The following SPAG16 variants were observed in gnomAD, a reference collection of about 807,000 sequenced individuals.
The protein encoded by SPAG16 is sperm associated antigen 16.
SPAG16 carries 86 observed loss-of-function variants against 80.4 expected under a neutral mutation model. That is an observed-to-expected ratio of 1.07 (90% CI 0.90 to 1.28). SPAG16 has a LOEUF of 1.28. Ranked by LOEUF, SPAG16 falls within the 50% of genes most tolerant of loss-of-function variation. SPAG16 has a pLI of 0.00. For synonymous variants in SPAG16, 294 were observed against 265.9 expected (o/e 1.11, Z -1.03); for missense variants, 870 against 765.3 (o/e 1.14, Z -1.61).
chr2:213,287,151 C>T lies in SPAG16; in HGVS notation c.136+2532C>T, dbSNP rs192447550. ...TGGAGTATATGAATCCTCTCTAGAA[C>T]CCATCATTAGAAAAATACTTGCAGC... On this transcript the variant is annotated intron_variant, in intron 1 of 15. Coordinates refer to ENST00000331683, the MANE Select transcript of SPAG16 (RefSeq NM_024532.5). Among the ~76,000 whole-genome samples the T allele has an allele frequency of 5.9e-5, 9 of 152,266 alleles. No individual in the cohort carries two copies. In the East Asian group the frequency reaches 1.5e-3, roughly 26 times the overall value.
At chr2:213,573,100 G>C (rs991035359) in intron 10 of SPAG16, among the ~76,000 whole-genome samples, 1 of 152,116 alleles carries the variant, frequency 6.6e-6, no homozygotes, top group African/African-American at 2.4e-5. Flanking sequence ...TTTGGCTCAC[G>C]CACGGTGCGC....
intron 10 of SPAG16, among the ~76,000 whole-genome samples, chr2:213,786,269 G>A (rs2070337464): frequency 6.6e-6 from 1 of 152,158 alleles, no homozygotes; most frequent in Non-Finnish European, 1.5e-5. Flanking sequence ...AACTATGGGA[G>A]CTCCGTGGTA....
chr2:213,961,882 A>G (rs1270030512), intron 12 of SPAG16, among the ~76,000 whole-genome samples: 3 of 152,012 alleles, frequency 2.0e-5, no homozygotes, highest in Admixed American at 2.0e-4. Context: ...ATATAAGTGT[A>G]ATATCAACCT....
intron 15 of SPAG16, among the ~76,000 whole-genome samples, chr2:214,395,187 T>C (rs1701296915): frequency 6.6e-6 from 1 of 152,230 alleles, no homozygotes; most frequent in South Asian, 2.1e-4. Flanking sequence ...CAAGTTTTTA[T>C]GTGGACATAA....
intron 13 of SPAG16, among the ~76,000 whole-genome samples, chr2:214,098,163 A>G (rs1184015564): frequency 6.6e-6 from 1 of 152,094 alleles, no homozygotes; most frequent in African/African-American, 2.4e-5. Context: ...TATTCATGCA[A>G]TATAGGTACA....
At chr2:214,211,835 C>T (rs1029959394) in intron 15 of SPAG16, among the ~76,000 whole-genome samples, 7 of 152,092 alleles carry the variant, frequency 4.6e-5, no homozygotes, top group African/African-American at 1.7e-4. Flanking sequence ...CCAATATGAT[C>T]AGAGTAAAAT....
chr2:213,913,602 T>TAA (rs202188386), intron 11 of SPAG16, among the ~76,000 whole-genome samples: 148 of 8,282 alleles, frequency 0.018, 2 homozygotes, highest in East Asian at 0.11. Context: ...TATGTATATG[T>TAA]ACATGTACAT....
At chr2:213,947,168 G>A (rs552705320) in intron 12 of SPAG16, among the ~76,000 whole-genome samples, 1 of 152,208 alleles carries the variant, frequency 6.6e-6, no homozygotes, top group East Asian at 1.9e-4. Context: ...TTACATATAG[G>A]TTTTGTTTGA....
chr2:213,357,290 A>G (rs1355728681), intron 7 of SPAG16, among the ~76,000 whole-genome samples: 1 of 152,124 alleles, frequency 6.6e-6, no homozygotes, highest in Non-Finnish European at 1.5e-5. Flanking sequence ...TGAAGAGCTG[A>G]GTTGAAGTCC....
intron 15 of SPAG16, among the ~76,000 whole-genome samples, chr2:214,253,092 C>CTT (rs374231310): frequency 0.84 from 120,997 of 144,180 alleles, 51,279 homozygotes; most frequent in South Asian, 0.96. Context: ...GCATAAATGT[C>CTT]TTTTTTTTTT....
intron 15 of SPAG16, among the ~76,000 whole-genome samples, chr2:214,292,795 AC>A (rs1693889983): frequency 6.6e-6 from 1 of 152,154 alleles, no homozygotes; most frequent in South Asian, 2.1e-4. Context: ...TTTTAAACTT[AC>A]TTTTGCAGAG....
chr2:214,013,979 C>A lies in SPAG16; in HGVS notation c.1429C>A (p.His477Asn), dbSNP rs2047453806. ...AAGATGCAGATGTACTTTGTATGGA[C>A]ATACAGATTCTGTGAACAGCATTGA... ...SERCRCTLYG[H>N]TDSVNSIEFF... Residue 477 changes from histidine (H) to asparagine (N), a missense_variant, in exon 13 of 16, where the codon CAT (histidine) becomes AAT (asparagine). By Grantham distance (68) the His-to-Asn change is moderately conservative (BLOSUM62 1). Transcript: ENST00000331683. 6.2e-7 allele frequency: 1 copy of A among 1,613,302 alleles called. No individual in the cohort carries two copies. The highest frequency in any genetic ancestry group is 1.3e-5 in the African/African-American group (1 of 74,896).
intron 15 of SPAG16, among the ~76,000 whole-genome samples, chr2:214,385,808 C>T (rs774706090): frequency 6.6e-6 from 1 of 152,128 alleles, no homozygotes; most frequent in Non-Finnish European, 1.5e-5. Flanking sequence ...TGCACCACTG[C>T]ACTCCAGCCT....
At chr2:214,227,256 A>G (rs2058717045) in intron 15 of SPAG16, among the ~76,000 whole-genome samples, 1 of 152,026 alleles carries the variant, frequency 6.6e-6, no homozygotes, top group Admixed American at 6.6e-5. Flanking sequence ...ACTATAAACC[A>G]CAGTCTGGGT....
chr2:213,293,657 C>T (rs2062384069), intron 1 of SPAG16, among the ~76,000 whole-genome samples: 1 of 152,184 alleles, frequency 6.6e-6, no homozygotes, highest in African/African-American at 2.4e-5. Context: ...TCAGATGACT[C>T]TAATTCTCCT....
intron 8 of SPAG16, among the ~76,000 whole-genome samples, chr2:213,370,872 G>T (rs190809520): frequency 6.6e-6 from 1 of 152,256 alleles, no homozygotes; most frequent in Admixed American, 6.5e-5. Context: ...TTAGTCAAAA[G>T]AAATTCTGAC....
At chr2:213,471,585 C>T (rs1236155370) in intron 9 of SPAG16, among the ~76,000 whole-genome samples, 1 of 152,192 alleles carries the variant, frequency 6.6e-6, no homozygotes, top group Non-Finnish European at 1.5e-5. Context: ...CTGTGATTCA[C>T]CTATGGGGGC....
chr2:214,187,085 G>A (rs1364820363), intron 15 of SPAG16, among the ~76,000 whole-genome samples: 1 of 152,020 alleles, frequency 6.6e-6, no homozygotes, highest in African/African-American at 2.4e-5. Context: ...CAACAGGAGG[G>A]ATAAATAGAA....
intron 10 of SPAG16, among the ~76,000 whole-genome samples, chr2:213,665,401 C>T (rs764778332): frequency 2.0e-5 from 3 of 152,062 alleles, no homozygotes; most frequent in Admixed American, 6.6e-5. Context: ...CACAAACACA[C>T]GTGCACATAA....
Sources: allele counts gnomAD v4.1 joint callset (sites outside exome capture counted in the v4.1 genomes callset), GRCh38; gene constraint gnomAD v4.1.1; transcripts MANE v1.5; gene names NCBI Gene and HGNC (gene_info 2026-07-23, HGNC 2026-07-21).